Variants in RTBDN observed in about 807,000 individuals in gnomAD.
RTBDN encodes retbindin.
RTBDN carries 24 observed loss-of-function variants against 21.9 expected under a neutral mutation model. The observed-to-expected ratio is 1.10, with a 90% confidence interval of 0.79 to 1.54. The LOEUF (loss-of-function observed/expected upper bound fraction) is 1.54, where lower values mean the gene tolerates loss of function less well. RTBDN is among the 40% of genes most tolerant of loss of function. The probability of loss-of-function intolerance (pLI) is 0.00; values close to 1 mark genes in which losing one functional copy is unlikely to be tolerated. For missense variants in RTBDN, 325 were observed against 315.2 expected (o/e 1.03, Z -0.23); for synonymous variants, 141 against 125.9 (o/e 1.12, Z -0.80).
chr19:12,835,128 AG>A (rs755413070), upstream of RTBDN: 1 of 1,611,780 alleles, frequency 6.2e-7, no homozygotes, highest in Non-Finnish European at 8.5e-7. Context: ...ATCATTCCCG[AG>A]GTTGAAGGCC....
At position 12,834,468 on chromosome 19, in the gene RTBDN, C is replaced by G; in HGVS notation, c.-19+21G>C. ...AGGAGCCCCCTCCCGAGGCATAGGA[C>G]GCCCTGCGTCCCCCACGCACCTGCC... On this transcript the variant is annotated intron_variant, in intron 1 of 5. Transcript: ENST00000674343. The surrounding 1 kb of genome is among the most constrained non-coding windows in gnomAD (Gnocchi z 4.7). 6.6e-7 allele frequency: 1 copy of G among 1,524,104 alleles called. No individual in the cohort carries two copies. Among genetic ancestry groups the G allele is most frequent in the African/African-American group, 1.4e-5 (1 of 72,980 alleles). The allele number at this position is 1,524,104 out of a possible 1,614,324, so 94.4% of individuals were successfully genotyped here. A position where few individuals can be genotyped will look rare whatever the true frequency, so the allele number is the denominator to read the frequency against.
chr19:12,826,629 G>T, intron 5 of RTBDN, 146 bp downstream of exon 5: 2 of 721,554 alleles, frequency 2.8e-6, no homozygotes, highest in Non-Finnish European at 4.5e-6. Context: ...CGGAGGCGGA[G>T]GTTGCATCGA....
At chr19:12,827,320 ATTTTTT>A (rs34634301) in intron 4 of RTBDN, among the ~76,000 whole-genome samples, 6 of 120,334 alleles carry the variant, frequency 5.0e-5, no homozygotes, top group Admixed American at 8.9e-5. Flanking sequence ...TGTCCGATTA[ATTTTTT>A]TTTTTTTTTT....
chr19:12,828,053 A>G (rs1232492310), intron 4 of RTBDN, among the ~76,000 whole-genome samples: 1 of 149,674 alleles, frequency 6.7e-6, no homozygotes, highest in Admixed American at 6.8e-5. Flanking sequence ...AGATCGTGTC[A>G]CTGCACTCCA....
chr19:12,834,860 A>T, upstream of RTBDN: 1 of 1,614,074 alleles, frequency 6.2e-7, no homozygotes, highest in South Asian at 1.1e-5. The surrounding 1 kb of genome is among the most constrained non-coding windows in gnomAD (Gnocchi z 4.7). Flanking sequence ...AGGGGTTAGT[A>T]CGGAAGTTCA....
At chr19:12,827,314 C>T (rs1167668805) in intron 4 of RTBDN, among the ~76,000 whole-genome samples, 2 of 143,566 alleles carry the variant, frequency 1.4e-5, no homozygotes, top group Non-Finnish European at 3.0e-5. Flanking sequence ...CCATCATGTC[C>T]GATTAATTTT....
upstream of RTBDN, chr19:12,835,129 G>T (rs777721578): frequency 1.2e-6 from 2 of 1,611,996 alleles, no homozygotes; most frequent in Admixed American, 1.7e-5. Context: ...TCATTCCCGA[G>T]GTTGAAGGCC....
upstream of RTBDN, chr19:12,835,064 A>G (rs1969708600): frequency 6.2e-7 from 1 of 1,611,470 alleles, no homozygotes; most frequent in African/African-American, 1.3e-5. Flanking sequence ...TCTTGGGAAA[A>G]GAGGATTCAA....
intron 5 of RTBDN, chr19:12,826,270 G>T (rs575317219): frequency 1.6e-6 from 2 of 1,247,340 alleles, no homozygotes; most frequent in East Asian, 9.5e-5. Context: ...TCTTGGGAAG[G>T]GCAAATCTGG....
Position 12,834,068 on chromosome 19 carries a change from G to A in RTBDN, c.-19+421C>T. On this transcript the variant is annotated intron_variant, in intron 1 of 5. Transcript: ENST00000674343. This position sits in a 1 kb window ranked among gnomAD's most constrained non-coding sequence, Gnocchi z 4.7. ...GGTCGGCGCCCTGGGGCGGGGCTGG[G>A]CAGGAGGCGGGAGAACTTGCACTAG... 1 of 398,350 alleles carries A rather than the reference G, an allele frequency of 2.5e-6. No individual in the cohort carries two copies. The highest frequency in any genetic ancestry group is 4.4e-6 in the Non-Finnish European group (1 of 225,882). The allele number at this position is 398,350 out of a possible 1,614,324, so 24.7% of individuals were successfully genotyped here.
At chr19:12,827,447 C>T (rs971922930) in intron 4 of RTBDN, among the ~76,000 whole-genome samples, 3 of 151,554 alleles carry the variant, frequency 2.0e-5, no homozygotes, top group South Asian at 2.1e-4. Context: ...CTCAGCCTCC[C>T]GAGTAGCTGG....
chr19:12,828,794 A>C (rs760010756), intron 3 of RTBDN, 27 bp from the exon 4 acceptor site: 1 of 1,613,702 alleles, frequency 6.2e-7, no homozygotes, highest in East Asian at 2.2e-5. Flanking sequence ...ATAGGGTCGG[A>C]TGGGTCAGGA....
upstream of RTBDN, chr19:12,835,217 C>T: frequency 1.1e-6 from 1 of 948,382 alleles, no homozygotes; most frequent in Non-Finnish European, 1.7e-6. Context: ...GTCTGGGTAA[C>T]GCCGGAGCCA....
chr19:12,826,401 A>C, intron 5 of RTBDN: 1 of 1,272,094 alleles, frequency 7.9e-7, no homozygotes, highest in Non-Finnish European at 1.0e-6. Context: ...GGTAAGAAAG[A>C]ACTTGGTGGG....
intron 1 of RTBDN, among the ~76,000 whole-genome samples, chr19:12,831,887 A>C (rs1194891726): frequency 6.6e-6 from 1 of 152,200 alleles, no homozygotes; most frequent in Non-Finnish European, 1.5e-5. Context: ...TTTGTGTGCA[A>C]CTGGACATCC....
chr19:12,834,591 C>T (rs1051568636), upstream of RTBDN: 5 of 1,516,560 alleles, frequency 3.3e-6, no homozygotes, highest in Non-Finnish European at 3.5e-6. This position sits in a 1 kb window ranked among gnomAD's most constrained non-coding sequence, Gnocchi z 4.7. Context: ...TCCGCCCCCC[C>T]ACCGCGATCC....
rs1033520515 is a variant in RTBDN at position 12,830,983 on chromosome 19, G to A, written c.-18-986C>T. On this transcript the variant is annotated intron_variant, in intron 1 of 5. Transcript: ENST00000674343. This position sits in a 1 kb window ranked among gnomAD's most constrained non-coding sequence, Gnocchi z 4.2. The stretch of plus-strand genomic sequence containing the variant: ...ATGTATGTGTGTTTTTGTTGTATGA[G>A]GTTATGTTTATGTGTGTTTCTTGGT... Among the ~76,000 whole-genome samples, 1 of 142,670 alleles carries A rather than the reference G, an allele frequency of 7.0e-6. No homozygotes were observed. The highest frequency in any genetic ancestry group is 1.5e-5 in the Non-Finnish European group (1 of 65,872). 93.6% of individuals were successfully genotyped at this position (142,670 alleles called of 152,430 possible). A position where few individuals can be genotyped will look rare whatever the true frequency, so the allele number is the denominator to read the frequency against.
rs2145871135 is a variant in RTBDN, at chr19:12,834,402, C to T, written c.-19+87G>A. 4 of 1,037,508 alleles carry T rather than the reference C, an allele frequency of 3.9e-6. No individual in the cohort carries two copies. In the East Asian group the frequency reaches 7.8e-5, roughly 20 times the overall value. 64.3% of individuals were successfully genotyped at this position (1,037,508 alleles called of 1,614,324 possible). A position where few individuals can be genotyped will look rare whatever the true frequency, so the allele number is the denominator to read the frequency against. ...TCGGGGCCATCGGCGCCGCTGGAGGCGTAAACATGTTTGTGCGGCAACCTC... is the reference window on the plus strand; with the variant it reads ...TCGGGGCCATCGGCGCCGCTGGAGGTGTAAACATGTTTGTGCGGCAACCTC... On this transcript the variant is annotated intron_variant, in intron 1 of 5. Transcript: ENST00000674343. This position sits in a 1 kb window ranked among gnomAD's most constrained non-coding sequence, Gnocchi z 4.7.
Position 12,829,795 on chromosome 19 carries a change from G to T in RTBDN, c.169+16C>A. On this transcript the variant is annotated intron_variant, in intron 2 of 5. Coordinates refer to ENST00000674343, the MANE Select transcript of RTBDN (RefSeq NM_001270441.2). ...TTTCTGGGTGTTGGTGGTGAGGCAG[G>T]GTCTGGGGTGCTCACCTGCCAGGTG... 6.2e-7 allele frequency: 1 copy of T among 1,602,916 alleles called. No homozygotes were observed. The highest frequency in any genetic ancestry group is 1.1e-5 in the South Asian group (1 of 90,836).
Sources: gnomAD v4.1 joint callset for allele counts (sites outside exome capture counted in the v4.1 genomes callset) on GRCh38, gnomAD v4.1.1 for gene constraint, Gnocchi (gnomAD v3.1) non-coding constraint, MANE v1.5 for transcripts, NCBI Gene and HGNC (gene_info 2026-07-23, HGNC 2026-07-21) for gene names.